Variants in CHRM3 observed in about 807,000 individuals in gnomAD.
CHRM3 encodes muscarinic acetylcholine receptor M3.
A neutral mutation model predicts 41.8 loss-of-function variants in CHRM3; 11 were observed. The observed-to-expected ratio is 0.26, with a 90% CI of 0.17 to 0.44. CHRM3 has a LOEUF of 0.44. Among genes scored for constraint, CHRM3 ranks in the 20% least tolerant of loss-of-function variants. CHRM3 has a pLI of 1.00. For missense variants in CHRM3, 571 were observed against 745.4 expected (o/e 0.77, Z 2.72); for synonymous variants, 297 against 301.4 (o/e 0.99, Z 0.15).
intron 5 of CHRM3, among the ~76,000 whole-genome samples, chr1:239,708,441 A>T (rs1253660103): frequency 6.6e-6 from 1 of 152,110 alleles, no homozygotes; most frequent in East Asian, 1.9e-4. Flanking sequence ...TCGTATTCCA[A>T]AATTCACTCT....
chr1:239,611,609 T>C (rs140329115), intron 3 of CHRM3, among the ~76,000 whole-genome samples: 1,998 of 151,940 alleles, frequency 0.013, 11 homozygotes, highest in East Asian at 0.023. Flanking sequence ...TTAGTAGAGA[T>C]GGGGTTTCAC....
chr1:239,458,697 A>G (rs995742190), intron 1 of CHRM3, among the ~76,000 whole-genome samples: 4 of 152,282 alleles, frequency 2.6e-5, no homozygotes, highest in African/African-American at 9.6e-5. Context: ...GAACCTTCAA[A>G]CTTCATAAAT....
intron 5 of CHRM3, among the ~76,000 whole-genome samples, chr1:239,679,539 T>A (rs1416955412): frequency 6.6e-6 from 1 of 152,094 alleles, no homozygotes; most frequent in African/African-American, 2.4e-5. Flanking sequence ...ATGTACCAGG[T>A]CACGTTTATT....
chr1:239,825,266 T>C (rs1411405415), intron 5 of CHRM3, among the ~76,000 whole-genome samples: 1 of 152,188 alleles, frequency 6.6e-6, no homozygotes, highest in Admixed American at 6.5e-5. Context: ...TATTCTAGCC[T>C]AAAGAACACC....
intron 5 of CHRM3, among the ~76,000 whole-genome samples, chr1:239,756,521 G>C (rs1164841422): frequency 6.6e-6 from 1 of 152,060 alleles, no homozygotes; most frequent in Non-Finnish European, 1.5e-5. Context: ...AACATGCATA[G>C]CCCTAAAATG....
chr1:239,712,045 T>C (rs1336269270), intron 5 of CHRM3, among the ~76,000 whole-genome samples: 1 of 152,092 alleles, frequency 6.6e-6, no homozygotes, highest in Non-Finnish European at 1.5e-5. Context: ...CATTCAGAAA[T>C]ATTTCCAACA....
chr1:239,675,616 A>G (rs950159157), intron 4 of CHRM3, among the ~76,000 whole-genome samples: 8 of 152,188 alleles, frequency 5.3e-5, no homozygotes, highest in African/African-American at 1.9e-4. Context: ...CTTTGAAAGC[A>G]ATCACTCTTC....
intron 3 of CHRM3, among the ~76,000 whole-genome samples, chr1:239,579,459 T>G (rs1662667588): frequency 6.6e-6 from 1 of 152,202 alleles, no homozygotes; most frequent in African/African-American, 2.4e-5. Flanking sequence ...TTGTATATTT[T>G]ATTTCGAAGG....
chr1:239,880,698 G>A (rs919640511), intron 6 of CHRM3, among the ~76,000 whole-genome samples: 1 of 152,046 alleles, frequency 6.6e-6, no homozygotes, highest in Non-Finnish European at 1.5e-5. Context: ...GTCTTGCTTT[G>A]TTGCTCAGGC....
At chr1:239,829,434 T>A (rs538361912) in intron 6 of CHRM3, among the ~76,000 whole-genome samples, 1 of 152,310 alleles carries the variant, frequency 6.6e-6, no homozygotes, top group Non-Finnish European at 1.5e-5. Flanking sequence ...AAAGAAATTT[T>A]AAATTTTTTA....
intron 5 of CHRM3, among the ~76,000 whole-genome samples, chr1:239,746,404 A>G (rs551576790): frequency 2.6e-5 from 4 of 152,342 alleles, no homozygotes; most frequent in African/African-American, 9.6e-5. Flanking sequence ...TCAGAGAGTA[A>G]ATAATGTGAC....
At chr1:239,704,361 A>G (rs1216179324) in intron 5 of CHRM3, 6 of 152,030 alleles carry the variant, frequency 3.9e-5, no homozygotes, top group African/African-American at 7.3e-5. Context: ...AATTAGTCAA[A>G]GAAGAATTAT....
chr1:239,493,967 A>G (rs1426326181), intron 2 of CHRM3, among the ~76,000 whole-genome samples: 3 of 152,176 alleles, frequency 2.0e-5, no homozygotes, highest in Non-Finnish European at 2.9e-5. Flanking sequence ...TTTATTGAAC[A>G]TTACTACTCC....
At chr1:239,726,725 C>G (rs1433993598) in intron 5 of CHRM3, among the ~76,000 whole-genome samples, 1 of 151,878 alleles carries the variant, frequency 6.6e-6, no homozygotes, top group Non-Finnish European at 1.5e-5. Flanking sequence ...CTTAGCTTTT[C>G]TTCTGTGAAA....
chr1:239,392,734 T>C (rs1429803620), intron 1 of CHRM3, among the ~76,000 whole-genome samples: 1 of 152,184 alleles, frequency 6.6e-6, no homozygotes, highest in Non-Finnish European at 1.5e-5. Flanking sequence ...GCTATAGACA[T>C]AGATACATAT....
At chr1:239,406,180 G>C (rs542942658) in intron 1 of CHRM3, among the ~76,000 whole-genome samples, 2 of 152,078 alleles carry the variant, frequency 1.3e-5, no homozygotes, top group Non-Finnish European at 2.9e-5. Flanking sequence ...GTGAGCCACC[G>C]TGCCTGGCTG....
At chr1:239,451,819 G>A (rs561378273) in intron 1 of CHRM3, among the ~76,000 whole-genome samples, 1 of 152,128 alleles carries the variant, frequency 6.6e-6, no homozygotes, top group Admixed American at 6.5e-5. Context: ...CATAAAAGAT[G>A]TGATCTTGTT....
At chr1:239,610,117 TGG>T (rs1666835738) in intron 3 of CHRM3, among the ~76,000 whole-genome samples, 1 of 129,902 alleles carries the variant, frequency 7.7e-6, no homozygotes, top group Non-Finnish European at 1.6e-5. Context: ...GGCGTGAACC[TGG>T]GAGGCGGGGC....
chr1:239,903,435 G>A (rs1679733915), intron 6 of CHRM3, among the ~76,000 whole-genome samples: 1 of 152,112 alleles, frequency 6.6e-6, no homozygotes, highest in East Asian at 1.9e-4. Flanking sequence ...CAGAGGCTGT[G>A]GAATCCCTGA....
Sources: allele counts gnomAD v4.1 joint callset (sites outside exome capture counted in the v4.1 genomes callset), GRCh38; gene constraint gnomAD v4.1.1; transcripts MANE v1.5; gene names NCBI Gene and HGNC (gene_info 2026-07-23, HGNC 2026-07-21).